Variants in KDM5B observed in about 807,000 individuals in gnomAD.
KDM5B encodes lysine demethylase 5B.
Under a neutral mutation model 193.4 loss-of-function variants are expected in KDM5B, and 144 were observed. That is an observed-to-expected ratio of 0.74 (90% CI 0.65 to 0.86). The LOEUF is 0.86. KDM5B is among the 40% of genes least tolerant of loss of function. The pLI, the probability that KDM5B is intolerant of heterozygous loss-of-function variation, is 0.00. For missense variants in KDM5B, 1,833 were observed against 1,886.9 expected, an observed-to-expected ratio of 0.97 and a Z score of 0.53; for synonymous variants, 668 against 682.6, an observed-to-expected ratio of 0.98 and a Z score of 0.33.
At chr1:202,789,414 G>C (rs1326428696) in intron 1 of KDM5B, among the ~76,000 whole-genome samples, 2 of 150,608 alleles carry the variant, frequency 1.3e-5, no homozygotes, top group Non-Finnish European at 3.0e-5. Flanking sequence ...CCAGCTACTG[G>C]GGAGGCTGAG....
chr1:202,738,001 C>T (rs370937080), intron 20 of KDM5B, among the ~76,000 whole-genome samples: 16 of 152,240 alleles, frequency 1.1e-4, no homozygotes, highest in African/African-American at 3.9e-4. Flanking sequence ...AATGCTATTC[C>T]TATGATATTT....
intron 5 of KDM5B, among the ~76,000 whole-genome samples, chr1:202,764,760 A>G (rs1490999470): frequency 6.6e-6 from 1 of 152,194 alleles, no homozygotes; most frequent in Admixed American, 6.5e-5. Context: ...CAGGTGGATC[A>G]CTTGAGGCCA....
chr1:202,731,126 G>A, intron 24 of KDM5B, 63 bp from the exon 25 acceptor site: 1 of 1,378,060 alleles, frequency 7.3e-7, no homozygotes, highest in Non-Finnish European at 9.9e-7. Context: ...TCACATTTGG[G>A]TTTATGAGAC....
At chr1:202,782,291 T>C (rs1657230166) in intron 1 of KDM5B, among the ~76,000 whole-genome samples, 1 of 152,206 alleles carries the variant, frequency 6.6e-6, no homozygotes, top group African/African-American at 2.4e-5. Flanking sequence ...ATTAAATTTA[T>C]TTGTAATGTT....
At chr1:202,757,407 A>C (rs1265947117) in intron 9 of KDM5B, among the ~76,000 whole-genome samples, 1 of 152,212 alleles carries the variant, frequency 6.6e-6, no homozygotes, top group Non-Finnish European at 1.5e-5. Flanking sequence ...ACTAAATGTC[A>C]ATCTGTTGTT....
chr1:202,750,836 A>G (rs952054172), intron 12 of KDM5B, 58 bp from the exon 13 acceptor site: 3 of 1,553,472 alleles, frequency 1.9e-6, no homozygotes, highest in African/African-American at 2.7e-5. Flanking sequence ...TTGTTACTAA[A>G]GACAATCTGG....
chr1:202,768,915 C>T (rs1656588475), intron 4 of KDM5B, among the ~76,000 whole-genome samples: 2 of 151,782 alleles, frequency 1.3e-5, no homozygotes, highest in Non-Finnish European at 1.5e-5. Context: ...CGGGGTTTCT[C>T]CATGTTGAGG....
intron 1 of KDM5B, among the ~76,000 whole-genome samples, chr1:202,779,473 C>T (rs1343161829): frequency 3.3e-5 from 5 of 149,838 alleles, no homozygotes; most frequent in African/African-American, 7.4e-5. Flanking sequence ...AGCGAGACTC[C>T]GTCTCAAAAA....
intron 9 of KDM5B, among the ~76,000 whole-genome samples, chr1:202,757,570 A>G (rs1656072292): frequency 1.3e-5 from 2 of 152,272 alleles, no homozygotes; most frequent in African/African-American, 4.8e-5. Context: ...GGCAAATATT[A>G]TAACACATAA....
At chr1:202,773,426 C>T in intron 3 of KDM5B, 138 bp from the exon 4 acceptor site, 1 of 638,536 alleles carries the variant, frequency 1.6e-6, no homozygotes. Context: ...TATATACACA[C>T]ACACACATAT....
chr1:202,768,649 A>AAATT (rs1188312560), intron 4 of KDM5B, among the ~76,000 whole-genome samples: 1 of 152,180 alleles, frequency 6.6e-6, no homozygotes, highest in Non-Finnish European at 1.5e-5. Flanking sequence ...AGCGCTCTAT[A>AAATT]AATATTAAAC....
In KDM5B at chr1:202,740,698, C is replaced by T; in HGVS notation, c.3060G>A (p.Trp1020Ter). The T allele has an allele frequency of 6.2e-7, 1 of 1,612,370 alleles. No homozygotes were observed. The highest frequency in any genetic ancestry group is 8.5e-7 in the Non-Finnish European group (1 of 1,179,628). Residue 1020 changes from tryptophan to a stop codon, truncating the protein, a stop_gained, in exon 20 of 27, where the codon TGG becomes TGA. Transcript: ENST00000367265. LOFTEE classifies it high-confidence loss of function. ...CCTGCAGGCCCTCTACATCCTGAAG[C>T]CAGTCTCTGGCTCTCTGCACTGAGT... The part of the protein sequence containing the change: ...LKDSVQRARD[W>*]LQDVEGLQAG...
intron 12 of KDM5B, among the ~76,000 whole-genome samples, chr1:202,751,040 AC>A (rs1473782286): frequency 6.6e-6 from 1 of 152,220 alleles, no homozygotes; most frequent in African/African-American, 2.4e-5. Flanking sequence ...TCAAGGTATA[AC>A]TTTTAAAAAC....
chr1:202,784,351 AG>A (rs1214114578), intron 1 of KDM5B, among the ~76,000 whole-genome samples: 9 of 152,168 alleles, frequency 5.9e-5, no homozygotes, highest in Non-Finnish European at 1.0e-4. Context: ...CATTCTTGTT[AG>A]TTTACCAAGA....
At chr1:202,729,617 AGAG>A in intron 26 of KDM5B, 87 bp downstream of exon 26, 1 of 1,084,360 alleles carries the variant, frequency 9.2e-7, no homozygotes, top group Non-Finnish European at 1.3e-6. Context: ...GCAGATAAGC[AGAG>A]GAGAAAGACC....
At chr1:202,799,212 T>C (rs34657660) in intron 1 of KDM5B, among the ~76,000 whole-genome samples, 28,243 of 152,156 alleles carry the variant, frequency 0.19, 2,997 homozygotes, top group Middle Eastern at 0.28. Flanking sequence ...CAGATCCCCT[T>C]AGAGCAGATG....
At chr1:202,767,478 A>C in intron 4 of KDM5B, 11 of 983,026 alleles carry the variant, frequency 1.1e-5, no homozygotes, top group South Asian at 5.3e-5. Context: ...AAATGGCGGC[A>C]CCTCACCAAG....
At position 202,745,951 on chromosome 1, in the gene KDM5B, T is replaced by C. The variant is rs745846639; in HGVS notation, c.2230A>G (p.Met744Val). 2.5e-6 allele frequency: 4 copies of C among 1,613,738 alleles called. No individual in the cohort carries two copies. The highest frequency in any genetic ancestry group is 1.7e-6 in the Non-Finnish European group (2 of 1,179,718). ...GCTCGAAGCTTCAATGCATTCATCATAGGGTAGAGATCATCCAGCGTGTAC... is the reference window on the plus strand; with the variant it reads ...GCTCGAAGCTTCAATGCATTCATCACAGGGTAGAGATCATCCAGCGTGTAC... The part of the protein sequence containing the change: ...YRYTLDDLYP[M>V]MNALKLRAES... The change falls in exon 16 of 27, where the codon ATG becomes GTG. Residue 744 changes from methionine (M) to valine (V), a missense_variant. This residue lies in a region of KDM5B where 1,379 missense variants were observed against 1,349.6 expected (regional missense o/e 1.02). Transcript: ENST00000367265.
chr1:202,774,523 G>A, intron 3 of KDM5B, 90 bp downstream of exon 3: 1 of 1,258,672 alleles, frequency 7.9e-7, no homozygotes, highest in Non-Finnish European at 1.1e-6. Flanking sequence ...CCACCTGGCT[G>A]AGCAATAAGT....
Sources: gnomAD v4.1 joint callset for allele counts (sites outside exome capture counted in the v4.1 genomes callset) on GRCh38, gnomAD v4.1.1 for gene constraint, gnomAD v4.1.1 regional missense constraint, MANE v1.5 for transcripts, NCBI Gene and HGNC (gene_info 2026-07-23, HGNC 2026-07-21) for gene names.